MGAT4C: variants seen among roughly 807,000 people sequenced by gnomAD.
The protein encoded by MGAT4C is MGAT4 family member C, also known as alpha-1,3-mannosyl-glycoprotein 4-beta-N-acetylglucosaminyltransferase C.
MGAT4C carries 19 observed loss-of-function variants against 40.1 expected under a neutral mutation model. The observed-to-expected ratio is 0.47, with a 90% CI of 0.33 to 0.70. The LOEUF (loss-of-function observed/expected upper bound fraction) is 0.70, where lower values mean the gene tolerates loss of function less well. Among genes scored for constraint, MGAT4C ranks in the 30% least tolerant of loss-of-function variants. The probability of loss-of-function intolerance (pLI) is 0.02; values close to 1 mark genes in which losing one functional copy is unlikely to be tolerated. For synonymous variants in MGAT4C, 181 were observed against 187.1 expected (o/e 0.97, Z 0.27); for missense variants, 491 against 563.2 (o/e 0.87, Z 1.30).
chr12:86,348,351 C>G (rs1233535551), intron 3 of MGAT4C, among the ~76,000 whole-genome samples: 3 of 151,992 alleles, frequency 2.0e-5, no homozygotes, highest in Non-Finnish European at 4.4e-5. Flanking sequence ...TTAGAATCCA[C>G]TGATATTTTA....
intron 1 of MGAT4C, among the ~76,000 whole-genome samples, chr12:86,751,362 T>C (rs1000241776): frequency 1.3e-5 from 2 of 152,040 alleles, no homozygotes; most frequent in African/African-American, 4.8e-5. Flanking sequence ...AGAATACTGC[T>C]GTACTTTTAA....
Position 86,079,582 on chromosome 12 carries a change from G to A in MGAT4C, c.-56-29859C>T, listed in dbSNP as rs566550247. Among the ~76,000 whole-genome samples the A allele has an allele frequency of 5.9e-5, 9 of 152,090 alleles. No individual in the cohort carries two copies. The South Asian group carries it at 1.0e-3, about 18-fold the overall frequency. On this transcript the variant is annotated intron_variant, in intron 1 of 4. Coordinates refer to ENST00000611864, the MANE Select transcript of MGAT4C (RefSeq NM_001351288.2). ...ATGGTCTTGTCTGATGAGAGGATGCGGGTTGGAATGAGTGTGAGTTCTATA... is the reference window on the plus strand; with the variant it reads ...ATGGTCTTGTCTGATGAGAGGATGCAGGTTGGAATGAGTGTGAGTTCTATA...
rs1294596596 is a variant in MGAT4C at position 85,972,209 on chromosome 12, C to T, written c.*7080G>A. On this transcript the variant is annotated 3_prime_UTR_variant, in exon 5 of 5. Transcript: ENST00000611864. ...TGGTGGGTAAAGATGCCACATGCAA[C>T]AGAAAATGTGTCTAATTATGTTTGT... 6.6e-6 allele frequency: 1 copy of T among 150,984 alleles called. No individual in the cohort carries two copies. Among genetic ancestry groups the T allele is most frequent in the Non-Finnish European group, 1.5e-5 (1 of 67,252 alleles). 9.4% of individuals were successfully genotyped at this position (150,984 alleles called of 1,614,324 possible).
chr12:86,140,564 G>A (rs961403998), intron 1 of MGAT4C, among the ~76,000 whole-genome samples: 39 of 152,016 alleles, frequency 2.6e-4, no homozygotes, highest in Admixed American at 2.6e-4. Flanking sequence ...TGTAGATGAC[G>A]GGTTGATGGG....
intron 1 of MGAT4C, among the ~76,000 whole-genome samples, chr12:86,746,446 C>G (rs1210720983): frequency 6.6e-6 from 1 of 151,490 alleles, no homozygotes; most frequent in Non-Finnish European, 1.5e-5. Flanking sequence ...ACTGGACTAC[C>G]CTTGTAATGA....
intron 1 of MGAT4C, among the ~76,000 whole-genome samples, chr12:86,824,435 T>C (rs1417409353): frequency 6.6e-6 from 1 of 151,426 alleles, no homozygotes; most frequent in East Asian, 1.9e-4. Context: ...TTGTACTAGT[T>C]TTCTTAAACT....
intron 2 of MGAT4C, among the ~76,000 whole-genome samples, chr12:86,453,185 G>T (rs1319312874): frequency 6.6e-6 from 1 of 152,092 alleles, no homozygotes; most frequent in Non-Finnish European, 1.5e-5. Context: ...TATACAGAGT[G>T]CACTGCAGAG....
At chr12:86,316,528 G>C in intron 4 of MGAT4C, among the ~76,000 whole-genome samples, 1 of 152,114 alleles carries the variant, frequency 6.6e-6, no homozygotes. Context: ...TGGGACACTA[G>C]GCAGCCATAG....
intron 2 of MGAT4C, among the ~76,000 whole-genome samples, chr12:86,561,931 A>G (rs1959881448): frequency 1.3e-5 from 2 of 152,206 alleles, no homozygotes; most frequent in Admixed American, 6.5e-5. Context: ...CTAAAAGTAT[A>G]GAGAACACTG....
chr12:86,367,843 CA>C (rs371276962), intron 3 of MGAT4C, among the ~76,000 whole-genome samples: 104 of 149,172 alleles, frequency 7.0e-4, no homozygotes, highest in African/African-American at 2.4e-3. Context: ...ACAACAACAA[CA>C]AAAAAAACAA....
intron 2 of MGAT4C, among the ~76,000 whole-genome samples, chr12:86,634,765 A>G (rs1179431018): frequency 6.6e-6 from 1 of 152,168 alleles, no homozygotes; most frequent in Non-Finnish European, 1.5e-5. Context: ...AGACTGTCTT[A>G]TTCCTGTCTG....
intron 3 of MGAT4C, among the ~76,000 whole-genome samples, chr12:86,370,433 G>A (rs1039222561): frequency 6.6e-6 from 1 of 151,984 alleles, no homozygotes; most frequent in Non-Finnish European, 1.5e-5. Context: ...TGTTGATATA[G>A]CACTAGTATG....
chr12:86,818,370 A>G (rs1345419750), intron 1 of MGAT4C, among the ~76,000 whole-genome samples: 3 of 151,326 alleles, frequency 2.0e-5, no homozygotes, highest in Non-Finnish European at 4.4e-5. Flanking sequence ...GAACAGGTGA[A>G]ACCATTCTTT....
At chr12:86,224,318 A>T (rs1950995513) in intron 1 of MGAT4C, among the ~76,000 whole-genome samples, 1 of 152,238 alleles carries the variant, frequency 6.6e-6, no homozygotes, top group Non-Finnish European at 1.5e-5. Context: ...ATATTACTAG[A>T]TCTAAATAAA....
At chr12:86,229,294 A>C (rs959238922) in intron 1 of MGAT4C, among the ~76,000 whole-genome samples, 2 of 151,952 alleles carry the variant, frequency 1.3e-5, no homozygotes, top group Admixed American at 1.3e-4. Flanking sequence ...TATATTATTA[A>C]TACAATAAAT....
chr12:86,216,879 AT>A (rs1950693846), intron 1 of MGAT4C, among the ~76,000 whole-genome samples: 1 of 152,172 alleles, frequency 6.6e-6, no homozygotes, highest in Non-Finnish European at 1.5e-5. Flanking sequence ...TTATCTTTGT[AT>A]TACAAATTTT....
At chr12:86,000,714 T>G in intron 2 of MGAT4C, among the ~76,000 whole-genome samples, 1 of 152,164 alleles carries the variant, frequency 6.6e-6, no homozygotes, top group East Asian at 1.9e-4. Context: ...TTTAAGTAAT[T>G]TTATGAATAG....
At chr12:86,290,354 A>G (rs1224193439) in intron 4 of MGAT4C, among the ~76,000 whole-genome samples, 1 of 152,150 alleles carries the variant, frequency 6.6e-6, no homozygotes, top group Non-Finnish European at 1.5e-5. Context: ...CACTTTTTAG[A>G]TAAAAGCTAC....
intron 1 of MGAT4C, among the ~76,000 whole-genome samples, chr12:86,826,509 C>T (rs1952811589): frequency 6.6e-6 from 1 of 151,440 alleles, no homozygotes; most frequent in Admixed American, 6.6e-5. Context: ...GTCCATGTTT[C>T]AATGATGCCA....
Sources: gnomAD v4.1 joint callset for allele counts (sites outside exome capture counted in the v4.1 genomes callset) on GRCh38, gnomAD v4.1.1 for gene constraint, MANE v1.5 for transcripts, NCBI Gene and HGNC (gene_info 2026-07-23, HGNC 2026-07-21) for gene names.